Variants in CSMD1 observed in about 807,000 individuals in gnomAD.
The protein encoded by CSMD1 is CUB and Sushi multiple domains 1.
A neutral mutation model predicts 417.5 loss-of-function variants in CSMD1; 213 were observed. The ratio of observed to expected loss-of-function variants is 0.51; its 90% CI spans 0.46 to 0.57. The LOEUF is 0.57. Ranked by LOEUF, CSMD1 falls within the 20% of genes least tolerant of loss-of-function variation. The pLI, the probability that CSMD1 is intolerant of heterozygous loss-of-function variation, is 0.00. For missense variants in CSMD1, 6,923 were observed against 4,529.7 expected, an observed-to-expected ratio of 1.53 and a Z score of -15.17; for synonymous variants, 2,862 against 1,736.8, an observed-to-expected ratio of 1.65 and a Z score of -16.11.
intron 68 of CSMD1, among the ~76,000 whole-genome samples, chr8:2,946,524 G>C (rs969976499): frequency 1.3e-5 from 2 of 152,044 alleles, no homozygotes; most frequent in African/African-American, 4.8e-5. Flanking sequence ...CCTTCACTTG[G>C]CATGACGTTT....
intron 3 of CSMD1, among the ~76,000 whole-genome samples, chr8:4,080,897 A>T (rs1402381456): frequency 7.2e-5 from 11 of 152,152 alleles, no homozygotes. Flanking sequence ...ACCCAAGGTG[A>T]TAGTATTAAG....
At chr8:3,389,053 T>C (rs192176840) in intron 17 of CSMD1, among the ~76,000 whole-genome samples, 1 of 152,320 alleles carries the variant, frequency 6.6e-6, no homozygotes, top group Non-Finnish European at 1.5e-5. Flanking sequence ...ATGATTTTTG[T>C]TGTTGTTGTT....
chr8:3,355,949 A>G (rs908178888), intron 21 of CSMD1, among the ~76,000 whole-genome samples: 1 of 152,182 alleles, frequency 6.6e-6, no homozygotes, highest in African/African-American at 2.4e-5. Flanking sequence ...TATTTCTATC[A>G]TCCTAAATGC....
At chr8:4,758,434 A>G (rs920883056) in intron 1 of CSMD1, among the ~76,000 whole-genome samples, 1 of 152,190 alleles carries the variant, frequency 6.6e-6, no homozygotes, top group Non-Finnish European at 1.5e-5. Flanking sequence ...AATGGCATAA[A>G]GGTGACATAA....
chr8:4,303,560 C>T (rs1385142319), intron 3 of CSMD1, among the ~76,000 whole-genome samples: 2 of 151,022 alleles, frequency 1.3e-5, no homozygotes, highest in East Asian at 3.9e-4. Context: ...TAAAAAATTT[C>T]TTCTCAGCAG....
chr8:3,378,773 A>C (rs1810465921), intron 18 of CSMD1, among the ~76,000 whole-genome samples: 1 of 152,222 alleles, frequency 6.6e-6, no homozygotes, highest in Non-Finnish European at 1.5e-5. Context: ...ATTTATGACA[A>C]ACCCACAGCC....
chr8:3,784,155 A>C (rs1799324046), intron 5 of CSMD1, among the ~76,000 whole-genome samples: 1 of 152,196 alleles, frequency 6.6e-6, no homozygotes, highest in African/African-American at 2.4e-5. Context: ...TCTCTCATGC[A>C]TACATATAGT....
chr8:4,299,740 C>A (rs1462585378), intron 3 of CSMD1, among the ~76,000 whole-genome samples: 1 of 152,096 alleles, frequency 6.6e-6, no homozygotes, highest in East Asian at 1.9e-4. Flanking sequence ...AAGCGATTGT[C>A]ATGCCTCAGC....
intron 3 of CSMD1, among the ~76,000 whole-genome samples, chr8:4,378,175 T>C (rs371301243): frequency 1.3e-5 from 2 of 152,198 alleles, no homozygotes; most frequent in Non-Finnish European, 2.9e-5. Flanking sequence ...ACTCTAGATA[T>C]TGCGACTCTA....
intron 3 of CSMD1, among the ~76,000 whole-genome samples, chr8:4,288,531 C>T (rs1797186965): frequency 6.6e-6 from 1 of 152,216 alleles, no homozygotes; most frequent in Non-Finnish European, 1.5e-5. Flanking sequence ...GCAGATACCA[C>T]ATCCTGTCCT....
intron 7 of CSMD1, among the ~76,000 whole-genome samples, chr8:3,666,361 G>A (rs28642300): frequency 5.3e-5 from 8 of 152,104 alleles, no homozygotes; most frequent in South Asian, 2.1e-4. Flanking sequence ...CGTTTAAAAT[G>A]ACATATTCAG....
intron 3 of CSMD1, among the ~76,000 whole-genome samples, chr8:4,223,519 A>G (rs2128809588): frequency 6.6e-6 from 1 of 152,332 alleles, no homozygotes; most frequent in African/African-American, 2.4e-5. Context: ...AATCTACCAC[A>G]CCACTGCTCG....
chr8:4,595,653 G>A (rs1398861876), intron 2 of CSMD1, among the ~76,000 whole-genome samples: 1 of 152,258 alleles, frequency 6.6e-6, no homozygotes, highest in East Asian at 1.9e-4. Context: ...TGTAGTCCCA[G>A]CTACTGGGGA....
intron 6 of CSMD1, among the ~76,000 whole-genome samples, chr8:3,723,115 G>C (rs570147054): frequency 6.6e-6 from 1 of 152,216 alleles, no homozygotes; most frequent in South Asian, 2.1e-4. Context: ...CAGGTTATTG[G>C]TGAAGTCCAA....
rs931770298 is a variant in CSMD1, at chr8:4,385,147, G to C, written c.415+34806C>G. ...TCACCATGTTGGCCAGGCTGGTCTT[G>C]AACTCCTGACCTCAGGTGATCCTCC... On this transcript the variant is annotated intron_variant, in intron 3 of 69. Transcript: ENST00000635120. Among the ~76,000 whole-genome samples the C allele has an allele frequency of 7.4e-4, 89 of 120,584 alleles. 9 individuals carry two copies. Among genetic ancestry groups the C allele is most frequent in the Non-Finnish European group, 1.7e-5 (1 of 58,594 alleles). The allele number at this position is 120,584 out of a possible 152,430, so 79.1% of individuals were successfully genotyped here.
chr8:3,436,138 T>G (rs540234908), intron 12 of CSMD1, among the ~76,000 whole-genome samples: 24 of 152,056 alleles, frequency 1.6e-4, no homozygotes, highest in Admixed American at 4.6e-4. Flanking sequence ...TCCCCTACAT[T>G]TTTCTTTATT....
At chr8:4,131,694 C>CA (rs1283436932) in intron 3 of CSMD1, among the ~76,000 whole-genome samples, 4 of 142,080 alleles carry the variant, frequency 2.8e-5, no homozygotes, top group Admixed American at 1.4e-4. Context: ...GCATCCCTTG[C>CA]AAAAAATATA....
At chr8:3,759,963 G>C in intron 5 of CSMD1, among the ~76,000 whole-genome samples, 1 of 150,494 alleles carries the variant, frequency 6.6e-6, no homozygotes, top group East Asian at 2.0e-4. Context: ...ATCAACCAAT[G>C]TCTTCCCGCA....
chr8:4,987,049 T>A (rs1305297406), intron 1 of CSMD1, among the ~76,000 whole-genome samples: 1 of 152,176 alleles, frequency 6.6e-6, no homozygotes, highest in Non-Finnish European at 1.5e-5. Context: ...ATCCATTGCA[T>A]TTTTACTATC....
Sources: allele counts gnomAD v4.1 joint callset (sites outside exome capture counted in the v4.1 genomes callset), GRCh38; gene constraint gnomAD v4.1.1; transcripts MANE v1.5; gene names NCBI Gene and HGNC (gene_info 2026-07-23, HGNC 2026-07-21).